PKD2: variants seen among roughly 807,000 people sequenced by gnomAD.
PKD2 encodes polycystin 2, transient receptor potential cation channel.
PKD2 carries 48 observed loss-of-function variants against 105.9 expected under a neutral mutation model. That is an observed-to-expected ratio of 0.45 (90% CI 0.36 to 0.58). PKD2 has a LOEUF of 0.58. Among genes scored for constraint, PKD2 ranks in the 20% least tolerant of loss-of-function variants. The probability of loss-of-function intolerance (pLI) is 0.00; values close to 1 mark genes in which losing one functional copy is unlikely to be tolerated. For missense variants in PKD2, 1,078 were observed against 1,255.3 expected (o/e 0.86, Z 2.13); for synonymous variants, 464 against 481.1 (o/e 0.96, Z 0.46).
chr4:88,073,525 CAAAAA>C (rs913549091), intron 13 of PKD2, among the ~76,000 whole-genome samples: 1 of 131,158 alleles, frequency 7.6e-6, no homozygotes, highest in African/African-American at 2.8e-5. Context: ...GACTCTGTCT[CAAAAA>C]AAAAAAAAGA....
intron 2 of PKD2, among the ~76,000 whole-genome samples, chr4:88,020,345 T>C (rs571814409): frequency 1.3e-5 from 2 of 152,334 alleles, no homozygotes; most frequent in South Asian, 4.1e-4. Flanking sequence ...ATTGCCTCAT[T>C]TTAATTCATT....
intron 8 of PKD2, among the ~76,000 whole-genome samples, chr4:88,057,257 C>T (rs1383064402): frequency 1.3e-5 from 2 of 151,614 alleles, no homozygotes; most frequent in African/African-American, 4.8e-5. Context: ...TCCAAAAGTA[C>T]TGGGATTACA....
chr4:88,073,210 G>A (rs1721104069), intron 13 of PKD2, among the ~76,000 whole-genome samples: 1 of 146,690 alleles, frequency 6.8e-6, no homozygotes, highest in Admixed American at 6.8e-5. Context: ...AAAAAAAGGT[G>A]TAAAAAACTT....
chr4:88,046,555 G>C (rs1264464999), intron 5 of PKD2, 87 bp from the exon 6 acceptor site: 17 of 827,368 alleles, frequency 2.1e-5, no homozygotes, highest in Non-Finnish European at 3.2e-5. Flanking sequence ...ACCTTGTAAT[G>C]CATGAACAGA....
At chr4:88,017,196 G>T (rs1364792518) in intron 1 of PKD2, among the ~76,000 whole-genome samples, 1 of 152,038 alleles carries the variant, frequency 6.6e-6, no homozygotes, top group East Asian at 1.9e-4. Flanking sequence ...GATGGCTTGA[G>T]CCCAGGAGAT....
Position 88,038,289 on chromosome 4 carries a change from G to T in PKD2, c.882G>T (p.Lys294Asn). ...EGSLLDGLYWKMQPSNQTEAD... is the reference protein window; with the variant it reads ...EGSLLDGLYWNMQPSNQTEAD... ...CCTTATTGGATGGGCTGTACTGGAA[G>T]ATGCAGCCCAGCAACCAGACTGAAG... The change falls in exon 4 of 15, where the codon AAG becomes AAT. Residue 294 changes from lysine (K) to asparagine (N), a missense_variant. Physicochemically the swap from Lys to Asn is moderately conservative, Grantham distance 94 (BLOSUM62 0). This residue lies in a region of PKD2 where 868 missense variants were observed against 1,067.3 expected (regional missense o/e 0.81). Transcript: ENST00000237596. 6.2e-7 allele frequency: 1 copy of T among 1,613,208 alleles called. No individual in the cohort carries two copies. Among genetic ancestry groups the T allele is most frequent in the Non-Finnish European group, 8.5e-7 (1 of 1,179,164 alleles).
At chr4:88,009,678 G>A (rs1448223630) in intron 1 of PKD2, among the ~76,000 whole-genome samples, 1 of 152,186 alleles carries the variant, frequency 6.6e-6, no homozygotes, top group Non-Finnish European at 1.5e-5. Flanking sequence ...TTAAAAGCAT[G>A]ATGGGGAACA....
chr4:88,013,926 GC>G (rs368566759), intron 1 of PKD2, among the ~76,000 whole-genome samples: 1 of 152,304 alleles, frequency 6.6e-6, no homozygotes, highest in African/African-American at 2.4e-5. Context: ...TGGGCTTCAA[GC>G]CTAGGGGGCT....
In PKD2 at chr4:88,065,394, C is replaced by A; in HGVS notation, c.2139C>A (p.Val713=). 1 of 1,612,010 alleles carries A rather than the reference C, an allele frequency of 6.2e-7. No individual in the cohort carries two copies. Among genetic ancestry groups the A allele is most frequent in the South Asian group, 1.1e-5 (1 of 91,010 alleles). ...GATAGGGCTACCATAAAGCTTTGGT[C>A]AAACTAAAACTGAAAAAAAATACCG... ...LIRKGYHKAL[V]KLKLKKNTVD... is the part of the protein sequence containing the mutation. Residue 713 remains valine (V), a synonymous_variant, in exon 11 of 15, where the codon GTC becomes GTA. Coordinates refer to ENST00000237596, the MANE Select transcript of PKD2 (RefSeq NM_000297.4).
chr4:88,058,972 A>AT (rs2110130589), intron 9 of PKD2, among the ~76,000 whole-genome samples: 1 of 152,252 alleles, frequency 6.6e-6, no homozygotes, highest in South Asian at 2.1e-4. Context: ...AGAAAATAAC[A>AT]TTTTTTCCAT....
chr4:88,068,908 A>G (rs1235850593), intron 13 of PKD2, among the ~76,000 whole-genome samples: 1 of 152,044 alleles, frequency 6.6e-6, no homozygotes, highest in Non-Finnish European at 1.5e-5. Context: ...TGCTTTGTGT[A>G]TTTTGGAACT....
chr4:88,025,582 C>G (rs1369444706), intron 2 of PKD2, among the ~76,000 whole-genome samples: 3 of 151,072 alleles, frequency 2.0e-5, no homozygotes, highest in Non-Finnish European at 2.9e-5. Context: ...CCACTGCACT[C>G]CAGCCTGGGT....
chr4:88,059,753 A>ATACG (rs1217000219), intron 9 of PKD2, among the ~76,000 whole-genome samples: 1 of 151,472 alleles, frequency 6.6e-6, no homozygotes, highest in East Asian at 2.0e-4. Flanking sequence ...ACGTACATAC[A>ATACG]TACATACATA....
At chr4:88,059,666 GT>G (rs927882225) in intron 9 of PKD2, among the ~76,000 whole-genome samples, 1 of 151,906 alleles carries the variant, frequency 6.6e-6, no homozygotes, top group African/African-American at 2.4e-5. Flanking sequence ...TACTAAAATT[GT>G]TTTTTTGTAC....
chr4:88,021,758 C>T (rs1342180485), intron 2 of PKD2, among the ~76,000 whole-genome samples: 1 of 152,194 alleles, frequency 6.6e-6, no homozygotes, highest in Non-Finnish European at 1.5e-5. Flanking sequence ...CCAGTTGCAC[C>T]CTCCAAGCCT....
At chr4:88,029,466 A>C (rs1317818766) in intron 2 of PKD2, among the ~76,000 whole-genome samples, 1 of 151,864 alleles carries the variant, frequency 6.6e-6, no homozygotes, top group Non-Finnish European at 1.5e-5. Flanking sequence ...GCCTGAACTC[A>C]TCTCCCACCC....
intron 7 of PKD2, among the ~76,000 whole-genome samples, chr4:88,055,626 A>G (rs986162093): frequency 6.8e-6 from 1 of 146,250 alleles, no homozygotes; most frequent in Non-Finnish European, 1.5e-5. Flanking sequence ...GATGTGAGCC[A>G]CTGCACTCAG....
At chr4:88,062,965 C>T (rs1427666623) in intron 10 of PKD2, among the ~76,000 whole-genome samples, 1 of 152,192 alleles carries the variant, frequency 6.6e-6, no homozygotes, top group African/African-American at 2.4e-5. Flanking sequence ...TGTTATGTAA[C>T]ACCACCTTCA....
intron 3 of PKD2, among the ~76,000 whole-genome samples, chr4:88,036,759 C>T (rs1259962417): frequency 6.6e-6 from 1 of 152,166 alleles, no homozygotes; most frequent in African/African-American, 2.4e-5. Flanking sequence ...TAATTCATTC[C>T]ATGAGTCAAG....
Sources: allele counts gnomAD v4.1 joint callset (sites outside exome capture counted in the v4.1 genomes callset), GRCh38; gene constraint gnomAD v4.1.1; regional missense constraint gnomAD v4.1.1; transcripts MANE v1.5; gene names NCBI Gene and HGNC (gene_info 2026-07-23, HGNC 2026-07-21).